Variants in ABCB1 observed in about 807,000 individuals in gnomAD.
The protein encoded by ABCB1 is ATP-dependent translocase ABCB1.
A neutral mutation model predicts 142.0 loss-of-function variants in ABCB1; 69 were observed. That is an observed-to-expected ratio of 0.49 (90% CI 0.40 to 0.59). The LOEUF is 0.59. Ranked by LOEUF, ABCB1 falls within the 20% of genes least tolerant of loss-of-function variation. The pLI is 0.00. For synonymous variants in ABCB1, 532 were observed against 539.2 expected, an observed-to-expected ratio of 0.99 and a Z score of 0.18; for missense variants, 1,326 against 1,554.7, an observed-to-expected ratio of 0.85 and a Z score of 2.47.
At chr7:87,664,926 C>CA (rs1825078370) in intron 1 of ABCB1, among the ~76,000 whole-genome samples, 1 of 152,012 alleles carries the variant, frequency 6.6e-6, no homozygotes, top group South Asian at 2.1e-4. Flanking sequence ...AAATTCTCAA[C>CA]AATTAAAGTA....
intron 2 of ABCB1, among the ~76,000 whole-genome samples, 173 bp downstream of exon 2, chr7:87,599,944 C>G (rs28381805): frequency 6.6e-6 from 1 of 152,176 alleles, no homozygotes; most frequent in South Asian, 2.1e-4. Context: ...CTGTGCTCCA[C>G]TCAGCCAACA....
intron 1 of ABCB1, among the ~76,000 whole-genome samples, chr7:87,676,825 G>A (rs1367713108): frequency 1.3e-5 from 2 of 151,728 alleles, no homozygotes; most frequent in Non-Finnish European, 2.9e-5. Flanking sequence ...ATAAAAATGG[G>A]CAGAGGATCA....
At chr7:87,557,936 A>G (rs991806345) in intron 8 of ABCB1, among the ~76,000 whole-genome samples, 2 of 152,188 alleles carry the variant, frequency 1.3e-5, no homozygotes, top group Non-Finnish European at 2.9e-5. Context: ...AATGAGTTTA[A>G]TAGAACATTC....
chr7:87,592,559 A>G (rs1453879161), intron 3 of ABCB1, among the ~76,000 whole-genome samples: 3 of 152,218 alleles, frequency 2.0e-5, no homozygotes, highest in Admixed American at 6.5e-5. Flanking sequence ...TCAATTCCAG[A>G]GAGATAACAG....
chr7:87,652,291 G>A (rs969565034), intron 1 of ABCB1, among the ~76,000 whole-genome samples: 1 of 151,912 alleles, frequency 6.6e-6, no homozygotes, highest in Non-Finnish European at 1.5e-5. Flanking sequence ...GAACAGTAAG[G>A]CTATGTTGAG....
chr7:87,542,933 C>T lies in ABCB1; in HGVS notation c.2211+1196G>A, dbSNP rs980896340. Among the ~76,000 whole-genome samples, 5 of 152,152 alleles carry T rather than the reference C, an allele frequency of 3.3e-5. No individual in the cohort carries two copies. In the East Asian group the frequency reaches 7.7e-4, roughly 23 times the overall value. Reference sequence around the variant, plus strand: ...TAGAAAAAGTTTGCTGACTCCTGCCCTGGACCATATACTCTACAGAATCAG... The same window carrying T: ...TAGAAAAAGTTTGCTGACTCCTGCCTTGGACCATATACTCTACAGAATCAG... On this transcript the variant is annotated intron_variant, in intron 17 of 27. Coordinates refer to ENST00000622132, the MANE Select transcript of ABCB1 (RefSeq NM_001348946.2).
At chr7:87,611,330 C>T (rs1819842929) in intron 1 of ABCB1, among the ~76,000 whole-genome samples, 1 of 152,144 alleles carries the variant, frequency 6.6e-6, no homozygotes, top group African/African-American at 2.4e-5. Context: ...ATCCTATCAC[C>T]CAGAGTGCCC....
intron 14 of ABCB1, among the ~76,000 whole-genome samples, chr7:87,547,795 G>A (rs1482749144): frequency 1.4e-5 from 2 of 141,702 alleles, no homozygotes. Flanking sequence ...AGGTTGCAGT[G>A]AGCCAAGATT....
chr7:87,516,177 T>A (rs1264028061), intron 24 of ABCB1, among the ~76,000 whole-genome samples: 1 of 152,034 alleles, frequency 6.6e-6, no homozygotes, highest in Non-Finnish European at 1.5e-5. Flanking sequence ...GCCCAGAAGA[T>A]CAAGGCTGCA....
intron 1 of ABCB1, among the ~76,000 whole-genome samples, chr7:87,643,408 C>G (rs1584981630): frequency 6.6e-6 from 1 of 151,888 alleles, no homozygotes; most frequent in African/African-American, 2.4e-5. Context: ...TCTGTAGACC[C>G]CTGCTTAAAG....
At chr7:87,679,539 A>G (rs923192115) in intron 1 of ABCB1, among the ~76,000 whole-genome samples, 1 of 149,832 alleles carries the variant, frequency 6.7e-6, no homozygotes, top group Non-Finnish European at 1.5e-5. Flanking sequence ...ACAGGCACAC[A>G]CCACTACACC....
At chr7:87,662,955 A>G (rs1165798456) in intron 1 of ABCB1, among the ~76,000 whole-genome samples, 1 of 152,002 alleles carries the variant, frequency 6.6e-6, no homozygotes, top group African/African-American at 2.4e-5. Context: ...CATTGTAGAG[A>G]TCTTTCCCTT....
chr7:87,686,947 A>C (rs2130622532), intron 1 of ABCB1, among the ~76,000 whole-genome samples: 1 of 150,588 alleles, frequency 6.6e-6, no homozygotes, highest in East Asian at 1.9e-4. Context: ...CTCTATCTCC[A>C]AAAGAAAAAA....
chr7:87,518,346 C>T (rs1815341398), intron 23 of ABCB1, among the ~76,000 whole-genome samples: 1 of 152,140 alleles, frequency 6.6e-6, no homozygotes, highest in African/African-American at 2.4e-5. Flanking sequence ...GCCCCAATGT[C>T]AGCAACTTTC....
intron 21 of ABCB1, among the ~76,000 whole-genome samples, chr7:87,528,911 G>A (rs1815913467): frequency 6.6e-6 from 1 of 152,162 alleles, no homozygotes; most frequent in Non-Finnish European, 1.5e-5. Flanking sequence ...TTGCAAGAAT[G>A]CCCACTGGGC....
chr7:87,555,536 A>G (rs554635821), intron 8 of ABCB1, among the ~76,000 whole-genome samples: 2 of 152,312 alleles, frequency 1.3e-5, no homozygotes, highest in South Asian at 4.1e-4. Context: ...CAGAGTTACA[A>G]AAGCATGCCA....
chr7:87,705,715 T>C (rs1829523197), intron 1 of ABCB1, among the ~76,000 whole-genome samples: 1 of 152,206 alleles, frequency 6.6e-6, no homozygotes, highest in African/African-American at 2.4e-5. Flanking sequence ...CAGCAGGCAC[T>C]GACTTATCTC....
At chr7:87,605,726 A>C (rs1187732072), upstream of ABCB1, among the ~76,000 whole-genome samples, 3 of 152,208 alleles carry the variant, frequency 2.0e-5, no homozygotes. Flanking sequence ...TCCACTGCTC[A>C]AAAACCTTGA....
chr7:87,664,701 A>G (rs1825058165), intron 1 of ABCB1, among the ~76,000 whole-genome samples: 1 of 152,164 alleles, frequency 6.6e-6, no homozygotes, highest in South Asian at 2.1e-4. Flanking sequence ...AAATGATCCA[A>G]TCTGAAGAAC....
Sources: gnomAD v4.1 joint callset for allele counts (sites outside exome capture counted in the v4.1 genomes callset) on GRCh38, gnomAD v4.1.1 for gene constraint, MANE v1.5 for transcripts, NCBI Gene and HGNC (gene_info 2026-07-23, HGNC 2026-07-21) for gene names.